The following AVL9 variants were observed in gnomAD, a reference collection of about 807,000 sequenced individuals.
AVL9 encodes late secretory pathway protein AVL9 homolog.
A neutral mutation model predicts 79.2 loss-of-function variants in AVL9; 49 were observed. The ratio of observed to expected loss-of-function variants is 0.62; its 90% CI spans 0.49 to 0.79. The LOEUF (loss-of-function observed/expected upper bound fraction) is 0.79. Ranked by LOEUF, AVL9 falls within the 30% of genes least tolerant of loss-of-function variation. The probability of loss-of-function intolerance (pLI) is 0.00; values close to 1 mark genes in which losing one functional copy is unlikely to be tolerated. For missense variants in AVL9, 682 were observed against 776.8 expected (o/e 0.88, Z 1.45); for synonymous variants, 299 against 280.6 (o/e 1.07, Z -0.65).
chr7:32,586,473 C>CCA lies in AVL9; in HGVS notation c.*2566_*2567insCA, dbSNP rs1791793865. 4 of 94,366 alleles carry CCA rather than the reference C, an allele frequency of 4.2e-5. No individual in the cohort carries two copies. The South Asian group carries it at 1.2e-3, about 29-fold the overall frequency. The allele number at this position is 94,366 out of a possible 1,614,324, so 5.8% of individuals were successfully genotyped here. On this transcript the variant is annotated 3_prime_UTR_variant, in exon 16 of 16. Transcript: ENST00000318709. Reference sequence around the variant, plus strand: ...CCCTGGTCCTGTGACCCCCCCCCCCCACACACACACATACTTCAGGCTTGG... The same window carrying CCA: ...CCCTGGTCCTGTGACCCCCCCCCCCCCAACACACACACATACTTCAGGCTTGG...
At chr7:32,579,411 A>AT (rs1562801474) in intron 13 of AVL9, among the ~76,000 whole-genome samples, 8 of 3,266 alleles carry the variant, frequency 2.4e-3, no homozygotes, top group African/African-American at 5.3e-3. Flanking sequence ...TATTATATAT[A>AT]ATATGTTATA....
chr7:32,520,993 C>CT (rs1353991543), intron 1 of AVL9, among the ~76,000 whole-genome samples: 1 of 152,070 alleles, frequency 6.6e-6, no homozygotes, highest in African/African-American at 2.4e-5. Context: ...AGGGTTTCTG[C>CT]TTTTGCTCCT....
At chr7:32,572,515 G>A (rs563401417) in intron 11 of AVL9, among the ~76,000 whole-genome samples, 10 of 150,490 alleles carry the variant, frequency 6.6e-5, no homozygotes, top group Non-Finnish European at 1.5e-4. Context: ...ATATTCTAAA[G>A]TATCTGGCCG....
intron 15 of AVL9, among the ~76,000 whole-genome samples, chr7:32,582,163 GA>G (rs1436120819): frequency 6.6e-6 from 1 of 152,164 alleles, no homozygotes; most frequent in African/African-American, 2.4e-5. Context: ...AACAGTGCAA[GA>G]AACTCCCAAT....
chr7:32,581,672 A>T (rs1399469457), intron 15 of AVL9: 4 of 152,198 alleles, frequency 2.6e-5, no homozygotes, highest in African/African-American at 9.7e-5. Flanking sequence ...TCTCTAAAAA[A>T]AAATTTAAAA....
In AVL9 at chr7:32,579,444, TAA is replaced by T. The variant is rs1491158271; in HGVS notation, c.1689-774_1689-773del. ...ATATATATAATATATATATTATATA[TAA>T]TATATTATATATTATATATAATATA... On this transcript the variant is annotated intron_variant, in intron 13 of 15. Transcript: ENST00000318709. Among the ~76,000 whole-genome samples, 17 of 9,418 alleles carry T rather than the reference TAA, an allele frequency of 1.8e-3. 7 individuals carry two copies. The highest frequency in any genetic ancestry group is 8.3e-3 in the South Asian group (3 of 360). The allele number at this position is 9,418 out of a possible 152,430, so 6.2% of individuals were successfully genotyped here.
At chr7:32,567,409 C>G (rs1334151495) in intron 10 of AVL9, among the ~76,000 whole-genome samples, 2 of 152,000 alleles carry the variant, frequency 1.3e-5, no homozygotes, top group African/African-American at 4.8e-5. Context: ...GCAAGTAATG[C>G]TACAATTTTA....
chr7:32,571,635 C>T (rs1263449233), intron 11 of AVL9, among the ~76,000 whole-genome samples: 1 of 149,342 alleles, frequency 6.7e-6, no homozygotes, highest in African/African-American at 2.5e-5. Flanking sequence ...TAATGAAAGT[C>T]CAGGATTCAA....
chr7:32,496,184 T>A (rs571642070), intron 1 of AVL9, among the ~76,000 whole-genome samples: 2 of 152,154 alleles, frequency 1.3e-5, no homozygotes, highest in African/African-American at 4.8e-5. Context: ...TCTAGAAAAA[T>A]TCAGTGCTTG....
chr7:32,514,206 T>A (rs1787811457), intron 1 of AVL9, among the ~76,000 whole-genome samples: 1 of 152,148 alleles, frequency 6.6e-6, no homozygotes, highest in African/African-American at 2.4e-5. Context: ...CTGTAAGGTC[T>A]TTCCCTTCCC....
chr7:32,569,965 G>C (rs1790751615), intron 10 of AVL9, 55 bp from the exon 11 acceptor site: 1 of 1,572,126 alleles, frequency 6.4e-7, no homozygotes. Flanking sequence ...TAAGTTTAAA[G>C]AGAAAGGTAA....
intron 4 of AVL9, among the ~76,000 whole-genome samples, 159 bp from the exon 5 acceptor site, chr7:32,551,175 G>A (rs984011588): frequency 6.6e-6 from 1 of 152,064 alleles, no homozygotes; most frequent in Non-Finnish European, 1.5e-5. Context: ...ATGACTTCAC[G>A]GCTTTCAACT....
intron 1 of AVL9, among the ~76,000 whole-genome samples, chr7:32,540,786 A>C (rs542815508): frequency 1.1e-4 from 17 of 147,878 alleles, no homozygotes; most frequent in African/African-American, 3.7e-4. Context: ...CAGTCTTTTT[A>C]ATGTTTTTCA....
chr7:32,580,203 C>CA lies in AVL9; in HGVS notation c.1689-13dup. 1 of 1,606,540 alleles carries CA rather than the reference C, an allele frequency of 6.2e-7. No homozygotes were observed. The highest frequency in any genetic ancestry group is 2.2e-5 in the East Asian group (1 of 44,566). On this transcript the variant is annotated splice_polypyrimidine_tract_variant and intron_variant, in intron 13 of 15. Transcript: ENST00000318709. The stretch of plus-strand genomic sequence containing the variant: ...TGGTAAAATACTGATAGTTTAAACT[C>CA]AAACTTTTTTTACAGCCATCCATTT...
At chr7:32,583,501 A>T (rs1216724353) in intron 15 of AVL9, among the ~76,000 whole-genome samples, 8 of 152,112 alleles carry the variant, frequency 5.3e-5, no homozygotes, top group Non-Finnish European at 1.2e-4. Flanking sequence ...GTTTAAGACC[A>T]GACCCTGTCT....
intron 1 of AVL9, among the ~76,000 whole-genome samples, chr7:32,528,690 G>A (rs1788508076): frequency 6.6e-6 from 1 of 152,136 alleles, no homozygotes; most frequent in Non-Finnish European, 1.5e-5. Context: ...AGTCAAAGAT[G>A]TTAATCATAA....
intron 1 of AVL9, among the ~76,000 whole-genome samples, chr7:32,507,072 A>G (rs548096960): frequency 6.6e-6 from 1 of 152,302 alleles, no homozygotes; most frequent in East Asian, 1.9e-4. Flanking sequence ...TCCTTTCACA[A>G]TATTAATAAA....
chr7:32,537,593 G>C (rs767283411), intron 1 of AVL9: 1 of 150,352 alleles, frequency 6.7e-6, no homozygotes, highest in Non-Finnish European at 1.5e-5. Context: ...CTCCTGAGTA[G>C]TTGGGACTAC....
intron 9 of AVL9, 31 bp from the exon 10 acceptor site, chr7:32,558,898 C>G (rs760905792): frequency 6.5e-7 from 1 of 1,528,480 alleles, no homozygotes; most frequent in East Asian, 2.3e-5. Flanking sequence ...TTATTATAAG[C>G]CAAGCTGTTC....
Sources: gnomAD v4.1 joint callset for allele counts (sites outside exome capture counted in the v4.1 genomes callset) on GRCh38, gnomAD v4.1.1 for gene constraint, MANE v1.5 for transcripts, NCBI Gene and HGNC (gene_info 2026-07-23, HGNC 2026-07-21) for gene names.